ARID4B: variants seen among roughly 807,000 people sequenced by gnomAD.
ARID4B encodes AT-rich interaction domain 4B, also known as AT-rich interactive domain-containing protein 4B.
A neutral mutation model predicts 147.5 loss-of-function variants in ARID4B; 26 were observed. The ratio of observed to expected loss-of-function variants is 0.18; its 90% CI spans 0.13 to 0.24. The LOEUF is 0.24. ARID4B is among the 10% of genes least tolerant of loss of function. The pLI, the probability that ARID4B is intolerant of heterozygous loss-of-function variation, is 1.00. For synonymous variants in ARID4B, 512 were observed against 507.9 expected (o/e 1.01, Z -0.11); for missense variants, 1,179 against 1,511.5 (o/e 0.78, Z 3.65).
In ARID4B at chr1:235,213,899, G is replaced by C; in HGVS notation, c.1711C>G (p.Pro571Ala). ...NEEEEFECYP[P>A]GMKVQVRYGR... ...TACCGCACTTGGACTTTCATGCCTG[G>C]TGGATAGCACTCAAACTCCTCTTCC... Residue 571 changes from proline (P) to alanine (A), a missense_variant, in exon 17 of 24, where the codon CCA becomes GCA. Physicochemically the swap from Pro to Ala is conservative, Grantham distance 27. Transcript: ENST00000264183. The C allele has an allele frequency of 6.2e-7, 1 of 1,613,936 alleles. No homozygotes were observed. Among genetic ancestry groups the C allele is most frequent in the Non-Finnish European group, 8.5e-7 (1 of 1,179,960 alleles).
intron 2 of ARID4B, among the ~76,000 whole-genome samples, chr1:235,323,440 G>A (rs929217394): frequency 9.2e-5 from 14 of 151,700 alleles, no homozygotes; most frequent in Non-Finnish European, 1.6e-4. Context: ...AATAAAAGAC[G>A]TTAATAACAT....
rs376124015 is a variant in ARID4B at position 235,318,423 on chromosome 1, C to T, written c.6+8491G>A. On this transcript the variant is annotated intron_variant, in intron 2 of 23. Transcript: ENST00000264183. The stretch of plus-strand genomic sequence containing the variant: ...TCCTGACATCGTGATCCACCCACAT[C>T]GGCTTCCCAAAGTGCTGGGATTACA... Among the ~76,000 whole-genome samples, 262 of 152,118 alleles carry T rather than the reference C, an allele frequency of 1.7e-3. 1 individual carries two copies. Among genetic ancestry groups the T allele is most frequent in the African/African-American group, 6.0e-3 (249 of 41,510 alleles).
chr1:235,270,573 T>A (rs1287140203), intron 2 of ARID4B, among the ~76,000 whole-genome samples: 1 of 152,182 alleles, frequency 6.6e-6, no homozygotes, highest in East Asian at 1.9e-4. Context: ...TCCTGGAAAT[T>A]TAAGTAACTC....
At chr1:235,294,029 T>C (rs969195485) in intron 2 of ARID4B, among the ~76,000 whole-genome samples, 1 of 152,128 alleles carries the variant, frequency 6.6e-6, no homozygotes, top group Non-Finnish European at 1.5e-5. Context: ...ATCATAATCT[T>C]AGTTTCTAAA....
chr1:235,217,759 A>G (rs1667194175), intron 16 of ARID4B, among the ~76,000 whole-genome samples: 1 of 152,180 alleles, frequency 6.6e-6, no homozygotes, highest in Non-Finnish European at 1.5e-5. Context: ...GAAAGTTTAT[A>G]TGCCAGAAAA....
intron 21 of ARID4B, among the ~76,000 whole-genome samples, chr1:235,176,044 G>C (rs1299814596): frequency 1.3e-5 from 2 of 152,062 alleles, no homozygotes; most frequent in Non-Finnish European, 2.9e-5. Flanking sequence ...GGAAATACTT[G>C]ACCTTGACAG....
At chr1:235,281,547 T>A (rs1671674128) in intron 2 of ARID4B, among the ~76,000 whole-genome samples, 1 of 151,586 alleles carries the variant, frequency 6.6e-6, no homozygotes, top group African/African-American at 2.4e-5. Context: ...CGACATTCCG[T>A]CTCAAAAAAA....
chr1:235,183,615 C>T (rs1664472109), intron 19 of ARID4B, among the ~76,000 whole-genome samples: 1 of 152,216 alleles, frequency 6.6e-6, no homozygotes, highest in Non-Finnish European at 1.5e-5. Context: ...CAGTGCACTT[C>T]AGCCTCAAAC....
intron 2 of ARID4B, among the ~76,000 whole-genome samples, chr1:235,280,677 G>C (rs1671608392): frequency 6.6e-6 from 1 of 152,240 alleles, no homozygotes; most frequent in Admixed American, 6.5e-5. Flanking sequence ...CTAACAGCAG[G>C]GGCGCAGGGT....
chr1:235,207,940 A>G (rs1666429907), intron 17 of ARID4B, among the ~76,000 whole-genome samples: 1 of 152,204 alleles, frequency 6.6e-6, no homozygotes, highest in African/African-American at 2.4e-5. Context: ...AACTGTTAAC[A>G]TGCACTAGAA....
At chr1:235,268,865 G>A (rs1190662161) in intron 2 of ARID4B, among the ~76,000 whole-genome samples, 1 of 152,166 alleles carries the variant, frequency 6.6e-6, no homozygotes, top group Non-Finnish European at 1.5e-5. Context: ...AAAAGCACAA[G>A]AAGAATCTGA....
chr1:235,289,548 G>T (rs557169869), intron 2 of ARID4B, among the ~76,000 whole-genome samples: 2 of 151,874 alleles, frequency 1.3e-5, no homozygotes, highest in African/African-American at 4.8e-5. Context: ...ACATAGTGAG[G>T]CCTTATCTCT....
At chr1:235,226,912 G>A (rs1177963846) in intron 11 of ARID4B, among the ~76,000 whole-genome samples, 33 of 152,106 alleles carry the variant, frequency 2.2e-4, no homozygotes, top group Admixed American at 2.0e-3. Context: ...CAGGTGATCC[G>A]CTAGCGTCAG....
chr1:235,258,765 T>C (rs946720853), intron 3 of ARID4B, among the ~76,000 whole-genome samples: 1 of 152,212 alleles, frequency 6.6e-6, no homozygotes, highest in African/African-American at 2.4e-5. Context: ...ACAAAAGCAT[T>C]ATCACACTTT....
At chr1:235,172,313 A>T (rs1352185616) in intron 23 of ARID4B, among the ~76,000 whole-genome samples, 2 of 152,230 alleles carry the variant, frequency 1.3e-5, no homozygotes, top group Non-Finnish European at 2.9e-5. Flanking sequence ...CTCTTGGCTC[A>T]CGCCTGTAAT....
chr1:235,320,132 A>C (rs1459733210), intron 2 of ARID4B, among the ~76,000 whole-genome samples: 2 of 151,514 alleles, frequency 1.3e-5, no homozygotes, highest in Non-Finnish European at 2.9e-5. Flanking sequence ...TCTAAAAAAA[A>C]AAAAACAAAA....
intron 17 of ARID4B, among the ~76,000 whole-genome samples, chr1:235,199,024 G>A (rs536808927): frequency 8.5e-5 from 13 of 152,072 alleles, no homozygotes; most frequent in South Asian, 6.2e-4. Context: ...GCTTCAACCC[G>A]GGAGGCGGAG....
chr1:235,173,121 G>A (rs892071240), intron 22 of ARID4B, among the ~76,000 whole-genome samples: 51 of 152,190 alleles, frequency 3.4e-4, no homozygotes, highest in African/African-American at 8.9e-4. Flanking sequence ...CGAGGTGGGC[G>A]GATCACGAGG....
intron 22 of ARID4B, among the ~76,000 whole-genome samples, chr1:235,174,903 A>G (rs946941983): frequency 2.6e-5 from 4 of 152,000 alleles, no homozygotes; most frequent in African/African-American, 9.7e-5. Flanking sequence ...CAGGAGATGG[A>G]GACCATCCTG....
Sources: allele counts gnomAD v4.1 joint callset (sites outside exome capture counted in the v4.1 genomes callset), GRCh38; gene constraint gnomAD v4.1.1; transcripts MANE v1.5; gene names NCBI Gene and HGNC (gene_info 2026-07-23, HGNC 2026-07-21).